Variants in IGSF1 observed in about 807,000 individuals in gnomAD.
The protein encoded by IGSF1 is immunoglobulin-like domain-containing protein 1.
Under a neutral mutation model 95.3 loss-of-function variants are expected in IGSF1, and 40 were observed. That is an observed-to-expected ratio of 0.42 (90% CI 0.33 to 0.55). IGSF1 has a LOEUF of 0.55. Among genes scored for constraint, IGSF1 ranks in the 20% least tolerant of loss-of-function variants. IGSF1 has a pLI of 0.10. For missense variants in IGSF1, 906 were observed against 1,025.4 expected (o/e 0.88, Z 1.59); for synonymous variants, 372 against 382.9 (o/e 0.97, Z 0.33).
Position 131,273,915 on chromosome X carries a change from C to T in IGSF1, c.3892G>A (p.Gly1298Arg), listed in dbSNP as rs1040347431. 7.4e-6 allele frequency: 9 copies of T among 1,208,336 alleles called. No individual in the cohort carries two copies. The highest frequency in any genetic ancestry group is 1.8e-5 in the African/African-American group (1 of 56,910). The part of the protein sequence containing the change: ...RLRTRGSETD[G>R]RDQTIALEEC... Reference sequence around the variant, plus strand: ...TCAAGGGCAATGGTCTGGTCTCTTCCGTCTGTCTCTGAGCCTCTATGTAAA... The same window carrying T: ...TCAAGGGCAATGGTCTGGTCTCTTCTGTCTGTCTCTGAGCCTCTATGTAAA... Residue 1298 changes from glycine to arginine, a missense_variant, in exon 20 of 20, where the codon GGA becomes AGA. Physicochemically the swap from Gly to Arg is moderately radical, Grantham distance 125. This residue lies in a region of IGSF1 where 411 missense variants were observed against 494.9 expected (regional missense o/e 0.83). Coordinates refer to ENST00000361420, the MANE Select transcript of IGSF1 (RefSeq NM_001555.5).
chrX:131,281,298 C>T lies in IGSF1; in HGVS notation c.1566G>A (p.Arg522=), dbSNP rs145291097. The T allele has an allele frequency of 2.2e-5, 27 of 1,208,930 alleles. No individual in the cohort carries two copies. Among genetic ancestry groups the T allele is most frequent in the Non-Finnish European group, 3.0e-5 (27 of 894,272 alleles). The change falls in exon 9 of 20, where the codon AGG becomes AGA. Residue 522 remains arginine, a synonymous_variant. Coordinates refer to ENST00000361420, the MANE Select transcript of IGSF1 (RefSeq NM_001555.5). ...CAACAAGCTGCATGATTAGAGACAA[C>T]CTGATAGCTTCATTCAGAACGTAAT... ...TWNYVLNEAI[R]LSLIMQLVAL... is the part of the protein sequence containing the mutation.
chrX:131,273,642 A>G lies in IGSF1; in HGVS notation c.*154T>C, dbSNP rs2080441987. 1.9e-6 allele frequency: 1 copy of G among 526,448 alleles called. No individual in the cohort carries two copies. The highest frequency in any genetic ancestry group is 3.4e-5 in the South Asian group (1 of 29,407). 43.4% of individuals were successfully genotyped at this position (526,448 alleles called of 1,213,427 possible). ...TCTTCAGGAAACATCTCACCCTGGC[A>G]GAGCTCTCAACTCCCAGAATCCCCT... On this transcript the variant is annotated 3_prime_UTR_variant, in exon 20 of 20. Coordinates refer to ENST00000361420, the MANE Select transcript of IGSF1 (RefSeq NM_001555.5).
rs769371368 is a variant in IGSF1 at position 131,278,024 on chromosome X, C to T, written c.2152G>A (p.Gly718Arg). 1.7e-6 allele frequency: 2 copies of T among 1,210,590 alleles called. No individual in the cohort carries two copies. The highest frequency in any genetic ancestry group is 2.2e-6 in the Non-Finnish European group (2 of 894,472). ...AGTTGCTGGACAGGTTCTTGCTCTCCCTCCTTATACAGAGCAAACCCCATG... is the reference window on the plus strand; with the variant it reads ...AGTTGCTGGACAGGTTCTTGCTCTCTCTCCTTATACAGAGCAAACCCCATG... Reference protein sequence around the residue: ...AGMGFALYKEGEQEPVQQLGA... With the variant: ...AGMGFALYKEREQEPVQQLGA... The change falls in exon 13 of 20, where the codon GGA (glycine) becomes AGA (arginine). Residue 718 changes from glycine to arginine, a missense_variant. Coordinates refer to ENST00000361420, the MANE Select transcript of IGSF1 (RefSeq NM_001555.5).
intron 14 of IGSF1, 113 bp from the exon 15 acceptor site, chrX:131,276,361 AT>A: frequency 1.7e-6 from 1 of 597,810 alleles, no homozygotes; most frequent in Non-Finnish European, 2.5e-6. Context: ...AAATTAGAAA[AT>A]ATAGAAAAAA....
Position 131,275,951 on chromosome X carries a change from C to A in IGSF1, c.2896+10G>T. The A allele has an allele frequency of 8.3e-7, 1 of 1,204,699 alleles. No individual in the cohort carries two copies. Reference sequence around the variant, plus strand: ...TCTCCATCCCAGTCCCATGTCCGGTCGGTCCTTACCAGTCACCCAGATCAT... The same window carrying A: ...TCTCCATCCCAGTCCCATGTCCGGTAGGTCCTTACCAGTCACCCAGATCAT... On this transcript the variant is annotated intron_variant, in intron 15 of 19. Coordinates refer to ENST00000361420, the MANE Select transcript of IGSF1 (RefSeq NM_001555.5).
rs2124113330 is a variant in IGSF1 at position 131,281,429 on chromosome X, A to G, written c.1526-91T>C. On this transcript the variant is annotated intron_variant, in intron 8 of 19. Coordinates refer to ENST00000361420, the MANE Select transcript of IGSF1 (RefSeq NM_001555.5). ...GGGTGAGGACAATCTGGTTACTGAC[A>G]GTGCTTATATTGAGAAGGTGAGGCA... is the stretch of plus-strand genomic sequence containing the variant. 13 of 1,066,189 alleles carry G rather than the reference A, an allele frequency of 1.2e-5. No individual in the cohort carries two copies. The South Asian group carries it at 2.7e-4, about 22-fold the overall frequency. The allele number at this position is 1,066,189 out of a possible 1,213,427, so 87.9% of individuals were successfully genotyped here. A position where few individuals can be genotyped will look rare whatever the true frequency, so the allele number is the denominator to read the frequency against.
At position 131,274,817 on chromosome X, in the gene IGSF1, T is replaced by A. The variant is rs1432519366; in HGVS notation, c.3533A>T (p.Asp1178Val). 23 of 1,209,530 alleles carry A rather than the reference T, an allele frequency of 1.9e-5. No homozygotes were observed. Among genetic ancestry groups the A allele is most frequent in the Non-Finnish European group, 2.2e-5 (20 of 894,674 alleles). The change falls in exon 18 of 20, where the codon GAC becomes GTC. Residue 1178 changes from aspartate (D) to valine (V), a missense_variant. Asp to Val is a radical substitution (Grantham distance 152, BLOSUM62 -3). Around this residue, in one of 5 missense-constraint regions of IGSF1, gnomAD observed 411 missense variants for 494.9 expected, o/e 0.83. Transcript: ENST00000361420. ...WPSTMFKLGKDITLQCRGPLP... is the reference protein window; with the variant it reads ...WPSTMFKLGKVITLQCRGPLP... ...GGGTCCTCGGCACTGAAGGGTGATG[T>A]CCTTCCCTAACTTGAACATGGTGCT... is the stretch of plus-strand genomic sequence containing the variant.
In IGSF1 at chrX:131,286,475, G is replaced by A. The variant is rs1022919673; in HGVS notation, c.71-12C>T. On this transcript the variant is annotated splice_polypyrimidine_tract_variant and intron_variant, in intron 2 of 19. Coordinates refer to ENST00000361420, the MANE Select transcript of IGSF1 (RefSeq NM_001555.5). ...ACCCAGACTCATCCCTGAAAAGAGAGATTATGGTAAAGGAGAGCTCCCTTG... is the reference window on the plus strand; with the variant it reads ...ACCCAGACTCATCCCTGAAAAGAGAAATTATGGTAAAGGAGAGCTCCCTTG... 2.5e-6 allele frequency: 3 copies of A among 1,201,356 alleles called. No homozygotes were observed. The highest frequency in any genetic ancestry group is 3.4e-6 in the Non-Finnish European group (3 of 887,217).
intron 12 of IGSF1, 32 bp from the exon 13 acceptor site, chrX:131,278,166 A>G: frequency 1.7e-6 from 2 of 1,172,876 alleles, no homozygotes; most frequent in South Asian, 3.8e-5. Context: ...AAAAGGAGTC[A>G]GAAGTTTGCA....
At chrX:131,276,578 C>T (rs2080477494) in intron 14 of IGSF1, among the ~76,000 whole-genome samples, 1 of 111,170 alleles carries the variant, frequency 9.0e-6, no homozygotes, top group Non-Finnish European at 1.9e-5. Flanking sequence ...CCATCCAGCC[C>T]ACCGGTCTCT....
At chrX:131,283,869 C>T (rs972368162) in intron 5 of IGSF1, among the ~76,000 whole-genome samples, 2 of 111,912 alleles carry the variant, frequency 1.8e-5, no homozygotes, top group African/African-American at 6.5e-5. Flanking sequence ...CACCCCAATG[C>T]CAGGCACACT....
At chrX:131,278,817 G>C in intron 11 of IGSF1, 66 bp from the exon 12 acceptor site, 7 of 1,036,326 alleles carry the variant, frequency 6.8e-6, no homozygotes, top group Non-Finnish European at 9.3e-6. Context: ...CCTTGCCCTT[G>C]AACCCTCTAC....
intron 7 of IGSF1, 134 bp downstream of exon 7, chrX:131,282,310 C>CGTGT (rs34764424): frequency 2.2e-5 from 10 of 450,625 alleles, no homozygotes; most frequent in Admixed American, 1.2e-4. Flanking sequence ...CTTCCTAGTG[C>CGTGT]GTGTGTGTGT....
At chrX:131,278,386 C>T in intron 12 of IGSF1, 75 bp downstream of exon 12, 1 of 981,106 alleles carries the variant, frequency 1.0e-6, no homozygotes, top group Non-Finnish European at 1.4e-6. Flanking sequence ...GAGTTCATTC[C>T]CTCACTCCCA....
chrX:131,279,619 G>C (rs2080527923), intron 9 of IGSF1, among the ~76,000 whole-genome samples: 1 of 107,166 alleles, frequency 9.3e-6, no homozygotes, highest in Non-Finnish European at 1.9e-5. Flanking sequence ...CCCCTGATTA[G>C]GTTGTTGCTG....
intron 15 of IGSF1, 92 bp downstream of exon 15, chrX:131,275,869 C>T (rs750770924): frequency 2.2e-5 from 25 of 1,145,014 alleles, no homozygotes; most frequent in Middle Eastern, 2.8e-4. Context: ...AGTTCCCCTC[C>T]GTGGCCTAGC....
intron 12 of IGSF1, 106 bp from the exon 13 acceptor site, chrX:131,278,240 C>A: frequency 1.2e-6 from 1 of 859,679 alleles, no homozygotes; most frequent in Non-Finnish European, 1.7e-6. Flanking sequence ...TCTGGGCTGG[C>A]CCTAGGCTCT....
intron 8 of IGSF1, 30 bp from the exon 9 acceptor site, chrX:131,281,368 C>A: frequency 4.1e-6 from 5 of 1,207,666 alleles, no homozygotes; most frequent in South Asian, 1.8e-5. Context: ...GAATCAGAGG[C>A]CTTGATGGGG....
chrX:131,284,615 C>T (rs1890251459), intron 5 of IGSF1: 1 of 751,583 alleles, frequency 1.3e-6, no homozygotes, highest in African/African-American at 2.3e-5. Flanking sequence ...GAAATTTCTT[C>T]TATATTTAGA....
Sources: gnomAD v4.1 joint callset for allele counts (sites outside exome capture counted in the v4.1 genomes callset) on GRCh38, gnomAD v4.1.1 for gene constraint, gnomAD v4.1.1 regional missense constraint, MANE v1.5 for transcripts, NCBI Gene and HGNC (gene_info 2026-07-23, HGNC 2026-07-21) for gene names.